The following STPG2 variants were observed in gnomAD, a reference collection of about 807,000 sequenced individuals.
The protein encoded by STPG2 is sperm tail PG-rich repeat containing 2.
In STPG2, 56 loss-of-function variants were observed where a neutral mutation model predicts 54.2. The ratio of observed to expected loss-of-function variants is 1.03; its 90% CI spans 0.83 to 1.29. STPG2 has a LOEUF of 1.29. Among genes scored for constraint, STPG2 ranks in the 50% most tolerant of loss-of-function variants. The probability of loss-of-function intolerance (pLI) is 0.00; values close to 1 mark genes in which losing one functional copy is unlikely to be tolerated. For synonymous variants in STPG2, 200 were observed against 181.8 expected (o/e 1.10, Z -0.81); for missense variants, 596 against 544.9 (o/e 1.09, Z -0.93).
intron 3 of STPG2, among the ~76,000 whole-genome samples, chr4:98,116,325 T>C (rs1021002317): frequency 1.1e-4 from 17 of 151,914 alleles, no homozygotes; most frequent in African/African-American, 4.1e-4. Context: ...ATTATTAAGC[T>C]AAAGCCAAGA....
chr4:97,647,237 G>A (rs1721937540), intron 10 of STPG2, among the ~76,000 whole-genome samples: 1 of 152,130 alleles, frequency 6.6e-6, no homozygotes, highest in African/African-American at 2.4e-5. Flanking sequence ...TGCCATTTAA[G>A]TTATAAATAA....
chr4:97,591,942 T>A (rs1036937194), intron 10 of STPG2, among the ~76,000 whole-genome samples: 1 of 152,266 alleles, frequency 6.6e-6, no homozygotes, highest in East Asian at 1.9e-4. Context: ...TTTGAAAAAT[T>A]TAGAAAAATA....
intron 4 of STPG2, among the ~76,000 whole-genome samples, chr4:97,447,445 C>T (rs1051806210): frequency 2.0e-5 from 3 of 152,198 alleles, no homozygotes; most frequent in Admixed American, 2.0e-4. Flanking sequence ...GGCAGCCCCT[C>T]CTATCACAGG....
chr4:97,997,262 A>C (rs970296638), intron 5 of STPG2, among the ~76,000 whole-genome samples: 2 of 152,224 alleles, frequency 1.3e-5, no homozygotes, highest in Non-Finnish European at 2.9e-5. Flanking sequence ...TGAGTAATTT[A>C]TAAGAAAAGA....
intron 5 of STPG2, among the ~76,000 whole-genome samples, chr4:98,089,004 A>T (rs1738606430): frequency 6.6e-6 from 1 of 152,172 alleles, no homozygotes; most frequent in Non-Finnish European, 1.5e-5. Context: ...CTTGAAATTC[A>T]GTCCCCCTCT....
At chr4:97,875,935 T>A (rs1204210419) in intron 8 of STPG2, among the ~76,000 whole-genome samples, 2 of 151,864 alleles carry the variant, frequency 1.3e-5, no homozygotes, top group South Asian at 2.1e-4. Context: ...GAAAAAAATA[T>A]AAAACCAACA....
In STPG2 at chr4:97,950,957, G is replaced by A. The variant is rs369206348; in HGVS notation, c.934-6950C>T. Among the ~76,000 whole-genome samples, 19 of 152,132 alleles carry A rather than the reference G, an allele frequency of 1.2e-4. 1 individual carries two copies. The East Asian group carries it at 2.9e-3, about 23-fold the overall frequency. On this transcript the variant is annotated intron_variant, in intron 7 of 10. Transcript: ENST00000295268. ...CTGACCCTCCCCAAATTGCTCCTGG[G>A]GACAATATCACTATTGTAAAACCTA...
chr4:97,848,226 A>G (rs1181834515), intron 8 of STPG2, among the ~76,000 whole-genome samples: 2 of 152,190 alleles, frequency 1.3e-5, no homozygotes, highest in East Asian at 1.9e-4. Flanking sequence ...GCTAGAAGTG[A>G]TATCTTACTC....
intron 8 of STPG2, among the ~76,000 whole-genome samples, chr4:97,927,878 A>T (rs1455623961): frequency 6.6e-6 from 1 of 152,124 alleles, no homozygotes; most frequent in Non-Finnish European, 1.5e-5. Flanking sequence ...ATTAGCTCTT[A>T]TTTTCATTAA....
intron 2 of STPG2, among the ~76,000 whole-genome samples, chr4:98,132,934 C>A (rs1221949238): frequency 1.5e-5 from 2 of 134,298 alleles, no homozygotes; most frequent in African/African-American, 2.8e-5. Context: ...AAAATTTTTA[C>A]CCCTGAAATG....
intron 8 of STPG2, among the ~76,000 whole-genome samples, chr4:97,885,102 C>T (rs574571564): frequency 4.7e-4 from 72 of 152,240 alleles, no homozygotes; most frequent in African/African-American, 1.1e-3. Context: ...AGAAACGTAA[C>T]GCTTAACATA....
chr4:97,515,129 A>G (rs867240135), intron 4 of STPG2, among the ~76,000 whole-genome samples: 2 of 152,076 alleles, frequency 1.3e-5, no homozygotes, highest in African/African-American at 4.8e-5. Context: ...CTACAAATCT[A>G]TTTTGTTGTG....
chr4:97,625,044 C>A (rs1734105888), intron 10 of STPG2, among the ~76,000 whole-genome samples: 2 of 152,158 alleles, frequency 1.3e-5, no homozygotes, highest in Admixed American at 6.5e-5. Context: ...ATAGAGCCTT[C>A]ACCAGAATCT....
At chr4:97,617,253 T>A (rs1244709721) in intron 10 of STPG2, among the ~76,000 whole-genome samples, 3 of 151,712 alleles carry the variant, frequency 2.0e-5, no homozygotes, top group Non-Finnish European at 2.9e-5. Context: ...CATTAATAAA[T>A]AACAAGCAGA....
chr4:97,986,331 G>C (rs1369230627), intron 5 of STPG2, among the ~76,000 whole-genome samples: 1 of 152,180 alleles, frequency 6.6e-6, no homozygotes, highest in Non-Finnish European at 1.5e-5. Flanking sequence ...AGGTTTGCTA[G>C]TATTATAATT....
At chr4:97,685,414 G>A (rs1723158109) in intron 10 of STPG2, among the ~76,000 whole-genome samples, 1 of 152,080 alleles carries the variant, frequency 6.6e-6, no homozygotes, top group Admixed American at 6.6e-5. Context: ...GGGAAGACAT[G>A]GGGGAACATG....
In STPG2 at chr4:98,083,665, C is replaced by T. The variant is rs867414594; in HGVS notation, c.612+22288G>A. Among the ~76,000 whole-genome samples the T allele has an allele frequency of 7.2e-5, 11 of 152,188 alleles. No homozygotes were observed. In the South Asian group the frequency reaches 8.3e-4, roughly 11 times the overall value. ...AAATATGAAAAACAAAAATCTATGC[C>T]TTCTCACCACTTATATTCTATACAT... On this transcript the variant is annotated intron_variant, in intron 5 of 10. Transcript: ENST00000295268.
chr4:97,758,289 T>C (rs1725789253), intron 9 of STPG2, among the ~76,000 whole-genome samples: 1 of 152,108 alleles, frequency 6.6e-6, no homozygotes, highest in Admixed American at 6.6e-5. Context: ...CAGACATTTA[T>C]AAAAATCATT....
chr4:97,970,104 A>G (rs1418467580), intron 7 of STPG2, among the ~76,000 whole-genome samples: 1 of 152,196 alleles, frequency 6.6e-6, no homozygotes, highest in African/African-American at 2.4e-5. Flanking sequence ...ACTTACAGGG[A>G]TGTGAAGAAC....
Sources: allele counts gnomAD v4.1 joint callset (sites outside exome capture counted in the v4.1 genomes callset), GRCh38; gene constraint gnomAD v4.1.1; transcripts MANE v1.5; gene names NCBI Gene and HGNC (gene_info 2026-07-23, HGNC 2026-07-21).